Variants in PRCD observed in about 807,000 individuals in gnomAD.
PRCD encodes photoreceptor disk component PRCD.
PRCD carries 12 observed loss-of-function variants against 10.1 expected under a neutral mutation model. The observed-to-expected ratio is 1.18, with a 90% CI of 0.76 to 1.92. The LOEUF (loss-of-function observed/expected upper bound fraction) is 1.92, where lower values mean the gene tolerates loss of function less well. PRCD is among the 40% of genes most tolerant of loss of function. PRCD has a pLI of 0.00. For missense variants in PRCD, 61 were observed against 72.2 expected, an observed-to-expected ratio of 0.84 and a Z score of 0.56; for synonymous variants, 31 against 26.2, an observed-to-expected ratio of 1.18 and a Z score of -0.56.
At chr17:76,527,804 G>C (rs774231081) in exon 1 of PRCD, 9 of 453,950 alleles carry the variant, frequency 2.0e-5, no homozygotes, top group African/African-American at 1.6e-4. Context: ...CCAGAACTTC[G>C]CTCTGCCCCT....
At chr17:76,553,009 C>T (rs947262113) in intron 1 of PRCD, 3 of 149,800 alleles carry the variant, frequency 2.0e-5, no homozygotes, top group South Asian at 2.1e-4. Context: ...TGAATCAAAA[C>T]GAGGTCTGAA....
chr17:76,551,183 G>A (rs2075105440), intron 1 of PRCD: 3 of 152,186 alleles, frequency 2.0e-5, no homozygotes, highest in African/African-American at 7.2e-5. Context: ...GCAGAGCAGA[G>A]AAGAGAATGC....
intron 1 of PRCD, among the ~76,000 whole-genome samples, chr17:76,534,174 C>CTCTCTCTCTCTCTT (rs1567907867): frequency 1.9e-5 from 2 of 106,070 alleles, no homozygotes; most frequent in Non-Finnish European, 4.0e-5. Context: ...CTCTCTCTCT[C>CTCTCTCTCTCTCTT]TCTTTCTTTC....
Position 76,531,002 on chromosome 17 carries a change from C to T in PRCD, n.45+3169C>T. 3.1e-6 allele frequency: 5 copies of T among 1,611,276 alleles called. No homozygotes were observed. Among genetic ancestry groups the T allele is most frequent in the Non-Finnish European group, 4.2e-6 (5 of 1,178,660 alleles). ...ACGTGGTGGCGTTGGGGACCTGCTG[C>T]ACCCAGCCCACTTCCTTGTAGGCAG... On this transcript the variant is annotated intron_variant and non_coding_transcript_variant, in intron 1 of 4. Transcript: ENST00000397633. This position sits in a 1 kb window ranked among gnomAD's most constrained non-coding sequence, Gnocchi z 7.4.
rs750022479 is a variant in PRCD, at chr17:76,542,509, G to A, written c.144-44G>A. On this transcript the variant is annotated intron_variant, in intron 2 of 4. Coordinates refer to ENST00000592014, the MANE Select transcript of PRCD (RefSeq NM_001077620.3). ...AAGAGGAGAGTCAGAAACATGGGAA[G>A]GTCGTGCCCTTCAATCCTGACCCCA... The A allele has an allele frequency of 5.0e-6, 8 of 1,613,118 alleles. No individual in the cohort carries two copies. In the South Asian group the frequency reaches 6.6e-5, roughly 13 times the overall value.
In PRCD at chr17:76,540,243, C is replaced by A. The variant is rs557680109; in HGVS notation, c.74+28C>A. 1.0e-4 allele frequency: 19 copies of A among 189,530 alleles called. No individual in the cohort carries two copies. In the East Asian group the frequency reaches 1.6e-3, roughly 16 times the overall value. 11.7% of individuals were successfully genotyped at this position (189,530 alleles called of 1,614,324 possible). A position where few individuals can be genotyped will look rare whatever the true frequency, so the allele number is the denominator to read the frequency against. ...GAGAAACTGACCGGGCTATGGCTGG[C>A]GGTTGGTCGGGGGGGGGGGGCATGG... On this transcript the variant is annotated intron_variant, in intron 1 of 4. Coordinates refer to ENST00000592014, the MANE Select transcript of PRCD (RefSeq NM_001077620.3). The surrounding 1 kb of genome is among the most constrained non-coding windows in gnomAD (Gnocchi z 5.0).
At position 76,540,250 on chromosome 17, in the gene PRCD, T is replaced by TGGGGGGGGGGGGGGGGTGGG; in HGVS notation, c.74+35_74+36insGGGGGGGGGGGGGGGGTGGG. ...TGACCGGGCTATGGCTGGCGGTTGGTCGGGGGGGGGGGGCATGGGGCTGGG... is the reference window on the plus strand; with the variant it reads ...TGACCGGGCTATGGCTGGCGGTTGGTGGGGGGGGGGGGGGGGTGGGCGGGGGGGGGGGGCATGGGGCTGGG... On this transcript the variant is annotated intron_variant, in intron 1 of 4. Transcript: ENST00000592014. The surrounding 1 kb of genome is among the most constrained non-coding windows in gnomAD (Gnocchi z 5.0). 1 of 463,680 alleles carries TGGGGGGGGGGGGGGGGTGGG rather than the reference T, an allele frequency of 2.2e-6. No homozygotes were observed. The highest frequency in any genetic ancestry group is 3.6e-6 in the Non-Finnish European group (1 of 276,416). The allele number at this position is 463,680 out of a possible 1,614,324, so 28.7% of individuals were successfully genotyped here.
rs1401642781 is a variant in PRCD, at chr17:76,528,678, G to A, written n.45+845G>A. On this transcript the variant is annotated intron_variant and non_coding_transcript_variant, in intron 1 of 4. Transcript: ENST00000397633. The surrounding 1 kb of genome is among the most constrained non-coding windows in gnomAD (Gnocchi z 5.8). ...GCAGGGAAGGACCCTCGGGGGAAAG[G>A]GGGAGGACCTGGGGCTGGCGAGGCT... 10 of 1,235,142 alleles carry A rather than the reference G, an allele frequency of 8.1e-6. No individual in the cohort carries two copies. In the South Asian group the frequency reaches 3.6e-4, roughly 45 times the overall value. 76.5% of individuals were successfully genotyped at this position (1,235,142 alleles called of 1,614,324 possible). A position where few individuals can be genotyped will look rare whatever the true frequency, so the allele number is the denominator to read the frequency against.
Position 76,531,814 on chromosome 17 carries a change from GT to G in PRCD, n.45+3985del. The G allele has an allele frequency of 2.6e-6, 2 of 761,916 alleles. No individual in the cohort carries two copies. The highest frequency in any genetic ancestry group is 4.2e-6 in the Non-Finnish European group (2 of 474,588). 47.2% of individuals were successfully genotyped at this position (761,916 alleles called of 1,614,324 possible). On this transcript the variant is annotated intron_variant and non_coding_transcript_variant, in intron 1 of 4. Coordinates refer to the PRCD transcript ENST00000397633. This position sits in a 1 kb window ranked among gnomAD's most constrained non-coding sequence, Gnocchi z 7.4. ...TGCTCCCCACCCCCGCACCGTCACT[GT>G]TTTCACTACCATCAGTAGACCTCAG...
chr17:76,528,581 C>T lies in PRCD; in HGVS notation n.45+748C>T, dbSNP rs767897368. 11 of 1,287,058 alleles carry T rather than the reference C, an allele frequency of 8.5e-6. No individual in the cohort carries two copies. Among genetic ancestry groups the T allele is most frequent in the South Asian group, 3.1e-5 (1 of 31,914 alleles). The allele number at this position is 1,287,058 out of a possible 1,614,324, so 79.7% of individuals were successfully genotyped here. On this transcript the variant is annotated intron_variant and non_coding_transcript_variant, in intron 1 of 4. Transcript: ENST00000397633. This position sits in a 1 kb window ranked among gnomAD's most constrained non-coding sequence, Gnocchi z 5.8. The stretch of plus-strand genomic sequence containing the variant: ...GAGGGGGGTGGAGTTAGGGGTCCTA[C>T]GGCCCCGAAGAGGGCAGTGTGGCCG...
In PRCD at chr17:76,528,112, G is replaced by A. The variant is rs573772092; in HGVS notation, n.45+279G>A. On this transcript the variant is annotated intron_variant and non_coding_transcript_variant, in intron 1 of 4. Transcript: ENST00000397633. The surrounding 1 kb of genome is among the most constrained non-coding windows in gnomAD (Gnocchi z 5.8). ...CGCCGCGGATACACATTCTAGATAT[G>A]TATGTGTGTATATATATATGTATAT... 29 of 419,948 alleles carry A rather than the reference G, an allele frequency of 6.9e-5. No homozygotes were observed. Among genetic ancestry groups the A allele is most frequent in the Non-Finnish European group, 5.9e-5 (14 of 235,626 alleles). The allele number at this position is 419,948 out of a possible 1,614,324, so 26.0% of individuals were successfully genotyped here.
At chr17:76,545,513 G>A (rs2075045985), downstream of PRCD, 2 of 383,296 alleles carry the variant, frequency 5.2e-6, no homozygotes, top group Admixed American at 3.0e-5. Context: ...CAAAGGGTGG[G>A]GTCCCTTCTG....
rs2074847195 is a variant in PRCD at position 76,531,756 on chromosome 17, C to A, written n.45+3923C>A. On this transcript the variant is annotated intron_variant and non_coding_transcript_variant, in intron 1 of 4. Coordinates refer to the PRCD transcript ENST00000397633. The surrounding 1 kb of genome is among the most constrained non-coding windows in gnomAD (Gnocchi z 7.4). The stretch of plus-strand genomic sequence containing the variant: ...TGCCTCGGGCCCACCCTGAAGCTTC[C>A]AGGATAGTGGGGGCTGAAGAAGTGG... The A allele has an allele frequency of 7.2e-7, 1 of 1,395,896 alleles. No homozygotes were observed. Among genetic ancestry groups the A allele is most frequent in the African/African-American group, 1.4e-5 (1 of 69,378 alleles). The allele number at this position is 1,395,896 out of a possible 1,614,324, so 86.5% of individuals were successfully genotyped here.
upstream of PRCD, among the ~76,000 whole-genome samples, chr17:76,537,076 T>C (rs1179200070): frequency 6.6e-6 from 1 of 151,872 alleles, no homozygotes; most frequent in African/African-American, 2.4e-5. Context: ...GCCAGAAAAA[T>C]GTGTGTGTCT....
exon 1 of PRCD, chr17:76,527,803 C>T (rs1054577382): frequency 4.4e-5 from 20 of 453,886 alleles, no homozygotes; most frequent in African/African-American, 1.2e-4. Flanking sequence ...CCCAGAACTT[C>T]GCTCTGCCCC....
chr17:76,538,138 A>G (rs1180837803), upstream of PRCD: 1 of 158,166 alleles, frequency 6.3e-6, no homozygotes, highest in Non-Finnish European at 1.4e-5. Context: ...TCAAAGTCCA[A>G]CACTCCCGAG....
In PRCD at chr17:76,530,009, C is replaced by T; in HGVS notation, n.45+2176C>T. ...CCCAGCTGCCCTCAGGGGACCTCCT[C>T]CAGGAGCTGTGCCTGTGAACAGAAG... On this transcript the variant is annotated intron_variant and non_coding_transcript_variant, in intron 1 of 4. Coordinates refer to the PRCD transcript ENST00000397633. The surrounding 1 kb of genome is among the most constrained non-coding windows in gnomAD (Gnocchi z 6.1). 1 of 985,390 alleles carries T rather than the reference C, an allele frequency of 1.0e-6. No homozygotes were observed. The highest frequency in any genetic ancestry group is 1.2e-6 in the Non-Finnish European group (1 of 829,916). 61.0% of individuals were successfully genotyped at this position (985,390 alleles called of 1,614,324 possible).
In PRCD at chr17:76,540,253, G is replaced by C. The variant is rs111326198; in HGVS notation, c.74+38G>C. 1.1e-3 allele frequency: 1,132 copies of C among 1,048,814 alleles called. 92 individuals carry two copies. Among genetic ancestry groups the C allele is most frequent in the Admixed American group, 2.0e-3 (95 of 47,230 alleles). 65.0% of individuals were successfully genotyped at this position (1,048,814 alleles called of 1,614,324 possible). ...CCGGGCTATGGCTGGCGGTTGGTCG[G>C]GGGGGGGGGGCATGGGGCTGGGCTG... is the stretch of plus-strand genomic sequence containing the variant. On this transcript the variant is annotated intron_variant, in intron 1 of 4. Transcript: ENST00000592014. The surrounding 1 kb of genome is among the most constrained non-coding windows in gnomAD (Gnocchi z 5.0).
At position 76,540,263 on chromosome 17, in the gene PRCD, GCA is replaced by G. The variant is rs2074974333; in HGVS notation, c.74+49_74+50del. ...GCTGGCGGTTGGTCGGGGGGGGGGG[GCA>G]TGGGGCTGGGCTGCCACCAAGCTGA... On this transcript the variant is annotated intron_variant, in intron 1 of 4. Transcript: ENST00000592014. The surrounding 1 kb of genome is among the most constrained non-coding windows in gnomAD (Gnocchi z 5.0). The G allele has an allele frequency of 2.8e-5, 17 of 610,976 alleles. No homozygotes were observed. Among genetic ancestry groups the G allele is most frequent in the Non-Finnish European group, 3.5e-5 (12 of 345,536 alleles). The allele number at this position is 610,976 out of a possible 1,614,324, so 37.8% of individuals were successfully genotyped here.
Sources: gnomAD v4.1 joint callset for allele counts (sites outside exome capture counted in the v4.1 genomes callset) on GRCh38, gnomAD v4.1.1 for gene constraint, Gnocchi (gnomAD v3.1) non-coding constraint, MANE v1.5 for transcripts, NCBI Gene and HGNC (gene_info 2026-07-23, HGNC 2026-07-21) for gene names.